Variants in NTNG2 observed in about 807,000 individuals in gnomAD.
The protein encoded by NTNG2 is netrin G2.
In NTNG2, 15 loss-of-function variants were observed where a neutral mutation model predicts 47.6. That is an observed-to-expected ratio of 0.32 (90% CI 0.21 to 0.49). NTNG2 has a LOEUF of 0.49. NTNG2 is among the 20% of genes least tolerant of loss of function. The pLI is 0.99. For synonymous variants in NTNG2, 307 were observed against 324.6 expected (o/e 0.95, Z 0.58); for missense variants, 578 against 764.6 (o/e 0.76, Z 2.88).
At chr9:132,191,115 G>C (rs1323264348) in intron 2 of NTNG2, among the ~76,000 whole-genome samples, 4 of 152,188 alleles carry the variant, frequency 2.6e-5, no homozygotes, top group Admixed American at 2.0e-4. Flanking sequence ...TGCTGAGAGG[G>C]TGCAGGGAGG....
chr9:132,241,244 G>A (rs1841966088), intron 7 of NTNG2, among the ~76,000 whole-genome samples, 200 bp downstream of exon 7: 2 of 151,860 alleles, frequency 1.3e-5, no homozygotes, highest in South Asian at 4.2e-4. Flanking sequence ...GGGCAGGGCC[G>A]GGGCAGTGGG....
chr9:132,181,608 C>A (rs1836945281), intron 2 of NTNG2, among the ~76,000 whole-genome samples: 1 of 152,240 alleles, frequency 6.6e-6, no homozygotes, highest in South Asian at 2.1e-4. Context: ...AGCCACCGTG[C>A]CTGGCCATAG....
At chr9:132,229,402 T>G (rs1841030411) in intron 4 of NTNG2, among the ~76,000 whole-genome samples, 1 of 151,950 alleles carries the variant, frequency 6.6e-6, no homozygotes, top group Non-Finnish European at 1.5e-5. Flanking sequence ...CTCCATCCGC[T>G]CCAAGTCTCT....
rs1382212034 is a variant in NTNG2 at position 132,219,590 on chromosome 9, AAAG to A, written c.858-7256_858-7254del. ...TCTGTCTCAAAAAAAAAAAAAAAAG[AAAG>A]AAAGAAAGAAAGAAATTATACAATA... On this transcript the variant is annotated intron_variant, in intron 3 of 7. Transcript: ENST00000393229. 2.4e-3 allele frequency among the ~76,000 whole-genome samples: 71 copies of A among 29,362 alleles called. No individual in the cohort carries two copies. The African/African-American group carries it at 0.046, about 19-fold the overall frequency. 19.3% of individuals were successfully genotyped at this position (29,362 alleles called of 152,430 possible).
intron 2 of NTNG2, among the ~76,000 whole-genome samples, chr9:132,170,710 TGA>T (rs143527538): frequency 6.1e-5 from 9 of 147,528 alleles, no homozygotes; most frequent in East Asian, 2.0e-4. Flanking sequence ...GACGAGCAGG[TGA>T]GAGAGAGAGA....
intron 2 of NTNG2, among the ~76,000 whole-genome samples, chr9:132,168,228 C>T (rs954999698): frequency 3.3e-5 from 5 of 152,214 alleles, no homozygotes; most frequent in Admixed American, 2.6e-4. Flanking sequence ...TCCCACTGGG[C>T]AGTGCTCCGG....
Position 132,208,966 on chromosome 9 carries a change from C to T in NTNG2, c.857+10357C>T, listed in dbSNP as rs1839378853. Among the ~76,000 whole-genome samples the T allele has an allele frequency of 1.3e-5, 2 of 152,084 alleles. No homozygotes were observed. The highest frequency in any genetic ancestry group is 2.4e-5 in the African/African-American group (1 of 41,388). On this transcript the variant is annotated intron_variant, in intron 3 of 7. Transcript: ENST00000393229. The surrounding 1 kb of genome is among the most constrained non-coding windows in gnomAD (Gnocchi z 4.0). ...GGTGGCTTTTTCAAGGGGTCTCCTT[C>T]GTTCTCACTGTGCCTCTGAGGCTTA...
At chr9:132,165,121 G>A (rs1318057263) in intron 1 of NTNG2, among the ~76,000 whole-genome samples, 1 of 152,198 alleles carries the variant, frequency 6.6e-6, no homozygotes, top group Non-Finnish European at 1.5e-5. Flanking sequence ...AATTAATCAT[G>A]CAGGCACTTT....
At chr9:132,227,985 C>T (rs1039802514) in intron 4 of NTNG2, among the ~76,000 whole-genome samples, 7 of 152,218 alleles carry the variant, frequency 4.6e-5, no homozygotes, top group African/African-American at 1.4e-4. Context: ...TTCACCCTCA[C>T]ACAGCCCCGC....
intron 3 of NTNG2, among the ~76,000 whole-genome samples, chr9:132,213,072 A>G (rs949123089): frequency 1.3e-5 from 2 of 152,070 alleles, no homozygotes; most frequent in Non-Finnish European, 2.9e-5. Context: ...TAACCTCAAC[A>G]ATTTGGGAAG....
rs933994970 is a variant in NTNG2, at chr9:132,231,706, C to G, written c.1054+1111C>G. The G allele has an allele frequency of 4.3e-6, 1 of 230,768 alleles. No homozygotes were observed. Among genetic ancestry groups the G allele is most frequent in the East Asian group, 1.6e-4 (1 of 6,198 alleles). The allele number at this position is 230,768 out of a possible 1,614,324, so 14.3% of individuals were successfully genotyped here. A position where few individuals can be genotyped will look rare whatever the true frequency, so the allele number is the denominator to read the frequency against. ...CCTGTGGCCACTGCGGCCACCACAG[C>G]CATGACAGGGGCCCCTACTACTCCT... On this transcript the variant is annotated intron_variant, in intron 5 of 7. Coordinates refer to ENST00000393229, the MANE Select transcript of NTNG2 (RefSeq NM_032536.4). The surrounding 1 kb of genome is among the most constrained non-coding windows in gnomAD (Gnocchi z 4.1).
intron 3 of NTNG2, among the ~76,000 whole-genome samples, chr9:132,216,730 G>T (rs1304467189): frequency 6.6e-6 from 1 of 152,180 alleles, no homozygotes; most frequent in Non-Finnish European, 1.5e-5. Context: ...AATTCAGAGA[G>T]CGATCGCTTG....
In NTNG2 at chr9:132,212,936, C is replaced by G. The variant is rs181247237; in HGVS notation, c.858-13913C>G. Among the ~76,000 whole-genome samples, 110 of 152,250 alleles carry G rather than the reference C, an allele frequency of 7.2e-4. No individual in the cohort carries two copies. The East Asian group carries it at 7.5e-3, about 10-fold the overall frequency. ...CCAAGGACACATCTCTCCCAACCCC[C>G]CAAAGAAGACCAAGATCCCCAGGCC... On this transcript the variant is annotated intron_variant, in intron 3 of 7. Coordinates refer to ENST00000393229, the MANE Select transcript of NTNG2 (RefSeq NM_032536.4).
At chr9:132,172,598 A>G (rs1422697748) in intron 2 of NTNG2, among the ~76,000 whole-genome samples, 1 of 152,040 alleles carries the variant, frequency 6.6e-6, no homozygotes, top group Non-Finnish European at 1.5e-5. Flanking sequence ...CTATCTTTGC[A>G]TCCCCAGCAC....
intron 6 of NTNG2, 88 bp downstream of exon 6, chr9:132,239,359 A>C: frequency 7.7e-7 from 1 of 1,300,480 alleles, no homozygotes; most frequent in South Asian, 1.2e-5. Context: ...GGCCCCCTGC[A>C]TCAGAATCAC....
intron 3 of NTNG2, among the ~76,000 whole-genome samples, chr9:132,212,092 G>A (rs1048036294): frequency 1.4e-4 from 22 of 152,234 alleles, no homozygotes; most frequent in Non-Finnish European, 2.6e-4. Flanking sequence ...CACCCTTGTC[G>A]CCTCCCACCC....
At chr9:132,240,284 C>T (rs1239647760) in intron 6 of NTNG2, among the ~76,000 whole-genome samples, 3 of 152,276 alleles carry the variant, frequency 2.0e-5, no homozygotes, top group Admixed American at 6.5e-5. Context: ...GCTGCAGGGA[C>T]AGGGCAGGGC....
Position 132,166,587 on chromosome 9 carries a change from G to T in NTNG2, c.-245G>T. 1.8e-6 allele frequency: 1 copy of T among 549,000 alleles called. No individual in the cohort carries two copies. The highest frequency in any genetic ancestry group is 3.1e-5 in the Admixed American group (1 of 32,426). 34.0% of individuals were successfully genotyped at this position (549,000 alleles called of 1,614,324 possible). A position where few individuals can be genotyped will look rare whatever the true frequency, so the allele number is the denominator to read the frequency against. On this transcript the variant is annotated 5_prime_UTR_variant, in exon 2 of 8. It removes an upstream start codon present in the reference 5' UTR. Transcript: ENST00000393229. ...CAGGGTTAGGAGGACGTGAAGTTAT[G>T]GGCAACTTTCTGATCTGTCCATCAG...
At chr9:132,178,731 A>G (rs758298878) in intron 2 of NTNG2, among the ~76,000 whole-genome samples, 5 of 150,532 alleles carry the variant, frequency 3.3e-5, no homozygotes, top group Non-Finnish European at 7.4e-5. Flanking sequence ...GTCTGAGCTC[A>G]GGAGTTTGAA....
Sources: allele counts gnomAD v4.1 joint callset (sites outside exome capture counted in the v4.1 genomes callset), GRCh38; gene constraint gnomAD v4.1.1; non-coding constraint Gnocchi (gnomAD v3.1); transcripts MANE v1.5; gene names NCBI Gene and HGNC (gene_info 2026-07-23, HGNC 2026-07-21).